TENM3: variants seen among roughly 807,000 people sequenced by gnomAD.
The protein encoded by TENM3 is teneurin-3.
In TENM3, 63 loss-of-function variants were observed where a neutral mutation model predicts 255.1. That is an observed-to-expected ratio of 0.25 (90% CI 0.20 to 0.30). TENM3 has a LOEUF of 0.30. Ranked by LOEUF, TENM3 falls within the 10% of genes least tolerant of loss-of-function variation. TENM3 has a pLI of 1.00. For missense variants in TENM3, 2,929 were observed against 3,461.1 expected, an observed-to-expected ratio of 0.85 and a Z score of 3.86; for synonymous variants, 1,306 against 1,322.3, an observed-to-expected ratio of 0.99 and a Z score of 0.27.
chr4:182,800,481 C>A lies in TENM3; in HGVS notation c.*130C>A. The A allele has an allele frequency of 2.5e-6, 3 of 1,179,306 alleles. No homozygotes were observed. Among genetic ancestry groups the A allele is most frequent in the East Asian group, 2.8e-5 (1 of 36,244 alleles). The allele number at this position is 1,179,306 out of a possible 1,614,324, so 73.1% of individuals were successfully genotyped here. Reference sequence around the variant, plus strand: ...TGAGACTGCTGTTACGACCCACACCCACACCGCGAAAACAAGGACCGCTTT... The same window carrying A: ...TGAGACTGCTGTTACGACCCACACCAACACCGCGAAAACAAGGACCGCTTT... On this transcript the variant is annotated 3_prime_UTR_variant, in exon 28 of 28. Transcript: ENST00000511685.
chr4:182,608,446 C>A (rs529191567), intron 4 of TENM3, among the ~76,000 whole-genome samples: 10 of 152,192 alleles, frequency 6.6e-5, no homozygotes, highest in Middle Eastern at 6.8e-3. Context: ...TAATTATTAG[C>A]ATTTATTTAT....
At chr4:181,868,827 A>G in the TENM3 span, among the ~76,000 whole-genome samples, 1 of 152,146 alleles carries the variant, frequency 6.6e-6, no homozygotes, top group Admixed American at 6.6e-5. Flanking sequence ...ATAGGGTCGC[A>G]TTTCTTTATT....
the TENM3 span, among the ~76,000 whole-genome samples, chr4:182,055,300 G>A: frequency 6.6e-6 from 1 of 151,894 alleles, no homozygotes; most frequent in Non-Finnish European, 1.5e-5. Context: ...AGCCATGATG[G>A]TGCCACTGCA....
At chr4:181,750,443 C>T in the TENM3 span, among the ~76,000 whole-genome samples, 1 of 152,076 alleles carries the variant, frequency 6.6e-6, no homozygotes, top group Non-Finnish European at 1.5e-5. Flanking sequence ...CCTTTTTAGC[C>T]CTTTCTTCTG....
rs566747144 is a variant in TENM3 at position 182,422,919 on chromosome 4, G to A, written c.511+75990G>A. ...CTGAGGCATGGAAAGTCTAAGTTGC[G>A]GAGCTCACGGAGCTCGTAGGTAGCA... On this transcript the variant is annotated intron_variant, in intron 3 of 27. Coordinates refer to ENST00000511685, the MANE Select transcript of TENM3 (RefSeq NM_001080477.4). Among the ~76,000 whole-genome samples the A allele has an allele frequency of 3.3e-5, 5 of 152,242 alleles. No individual in the cohort carries two copies. The South Asian group carries it at 1.0e-3, about 32-fold the overall frequency.
chr4:181,817,651 T>A, the TENM3 span, among the ~76,000 whole-genome samples: 3 of 152,162 alleles, frequency 2.0e-5, no homozygotes, highest in Non-Finnish European at 4.4e-5. Flanking sequence ...ATGAATGGTA[T>A]TAGACGCGCT....
the TENM3 span, among the ~76,000 whole-genome samples, chr4:182,029,566 C>T: frequency 6.6e-6 from 1 of 151,910 alleles, no homozygotes; most frequent in African/African-American, 2.4e-5. Context: ...CTGAATGGAC[C>T]CCTTTGTCAT....
At chr4:182,145,312 G>A (rs1749879808) in intron 1 of TENM3, 1 of 152,382 alleles carries the variant, frequency 6.6e-6, no homozygotes, top group South Asian at 2.1e-4. Context: ...GTAGCGTGGG[G>A]AGTGGTGGAT....
the TENM3 span, among the ~76,000 whole-genome samples, chr4:182,098,955 C>CTTTTTTTT: frequency 2.7e-4 from 36 of 133,836 alleles, 1 homozygote; most frequent in Non-Finnish European, 3.1e-4. Context: ...GTGCACAACT[C>CTTTTTTTT]TTTTTTTCTT....
At chr4:182,692,280 T>A (rs911152590) in intron 12 of TENM3, among the ~76,000 whole-genome samples, 4 of 152,238 alleles carry the variant, frequency 2.6e-5, no homozygotes, top group African/African-American at 7.2e-5. Flanking sequence ...AACAGATGGT[T>A]ATAGGCAGAG....
intron 1 of TENM3, among the ~76,000 whole-genome samples, chr4:182,180,754 G>C (rs116526760): frequency 0.048 from 7,255 of 151,714 alleles, 244 homozygotes; most frequent in Non-Finnish European, 0.069. Flanking sequence ...GGGATTACAG[G>C]CATAAGCTAT....
chr4:182,079,342 C>T, the TENM3 span, among the ~76,000 whole-genome samples: 2 of 152,060 alleles, frequency 1.3e-5, no homozygotes, highest in Non-Finnish European at 2.9e-5. Flanking sequence ...CGGTGAAACC[C>T]TGTCTCTACT....
chr4:181,803,580 C>A, the TENM3 span, among the ~76,000 whole-genome samples: 1 of 152,140 alleles, frequency 6.6e-6, no homozygotes, highest in Non-Finnish European at 1.5e-5. Flanking sequence ...GCCTTAAACT[C>A]AGATGCCTCC....
At chr4:181,865,134 G>A in the TENM3 span, among the ~76,000 whole-genome samples, 2 of 152,200 alleles carry the variant, frequency 1.3e-5, no homozygotes, top group Admixed American at 1.3e-4. Context: ...TAGAAAAAGT[G>A]TTTAATAAAC....
the TENM3 span, among the ~76,000 whole-genome samples, chr4:181,680,432 T>C: frequency 2.6e-5 from 4 of 152,152 alleles, no homozygotes; most frequent in Middle Eastern, 3.2e-3. Context: ...TCTATAAATA[T>C]ACTAAAATAA....
chr4:181,902,187 C>CAAA, the TENM3 span, among the ~76,000 whole-genome samples: 8,987 of 143,932 alleles, frequency 0.062, 385 homozygotes, highest in East Asian at 0.24. Flanking sequence ...TTAAAAGAGC[C>CAAA]AAAAAAAAAA....
At chr4:182,701,838 G>A (rs1317819052) in intron 12 of TENM3, among the ~76,000 whole-genome samples, 1 of 152,102 alleles carries the variant, frequency 6.6e-6, no homozygotes, top group African/African-American at 2.4e-5. Flanking sequence ...ATTTAAGAAT[G>A]GTGACATATA....
intron 1 of TENM3, among the ~76,000 whole-genome samples, chr4:182,214,812 A>C (rs1755343167): frequency 6.6e-6 from 1 of 152,350 alleles, no homozygotes; most frequent in African/African-American, 2.4e-5. Flanking sequence ...TTAACATCAT[A>C]ATGCTTATGA....
chr4:182,737,677 G>A (rs1422919380), intron 17 of TENM3, among the ~76,000 whole-genome samples: 1 of 152,100 alleles, frequency 6.6e-6, no homozygotes, highest in Non-Finnish European at 1.5e-5. Context: ...TCAAGCTCAA[G>A]CTCAGAACAT....
Sources: allele counts gnomAD v4.1 joint callset (sites outside exome capture counted in the v4.1 genomes callset), GRCh38; gene constraint gnomAD v4.1.1; transcripts MANE v1.5; gene names NCBI Gene and HGNC (gene_info 2026-07-23, HGNC 2026-07-21).